GPATCH8: variants seen among roughly 807,000 people sequenced by gnomAD.
GPATCH8 encodes the protein G patch domain-containing protein 8.
GPATCH8 carries 18 observed loss-of-function variants against 118.3 expected under a neutral mutation model. That is an observed-to-expected ratio of 0.15 (90% CI 0.11 to 0.23). The LOEUF (loss-of-function observed/expected upper bound fraction) is 0.23. Among genes scored for constraint, GPATCH8 ranks in the 10% least tolerant of loss-of-function variants. The pLI is 1.00. For synonymous variants in GPATCH8, 659 were observed against 684.7 expected (o/e 0.96, Z 0.59); for missense variants, 1,631 against 1,873.8 (o/e 0.87, Z 2.39).
intron 2 of GPATCH8, among the ~76,000 whole-genome samples, chr17:44,471,301 G>A (rs1049649738): frequency 2.6e-5 from 4 of 152,054 alleles, no homozygotes; most frequent in Non-Finnish European, 4.4e-5. Flanking sequence ...TCTAAGCTTC[G>A]GAAGTTCACT....
intron 7 of GPATCH8, 149 bp from the exon 8 acceptor site, chr17:44,401,602 T>C: frequency 3.1e-6 from 2 of 649,564 alleles, no homozygotes; most frequent in Non-Finnish European, 5.5e-6. Flanking sequence ...CCTAGCCCTA[T>C]ACTAACAAAT....
chr17:44,410,148 A>G (rs1402285901), intron 6 of GPATCH8, among the ~76,000 whole-genome samples: 1 of 152,200 alleles, frequency 6.6e-6, no homozygotes, highest in Non-Finnish European at 1.5e-5. Context: ...CAAGGACCTA[A>G]TCAGAGTCAG....
intron 1 of GPATCH8, among the ~76,000 whole-genome samples, chr17:44,479,715 T>A (rs1203621275): frequency 6.6e-6 from 1 of 152,196 alleles, no homozygotes; most frequent in Admixed American, 6.5e-5. Context: ...ACGCCTGTAA[T>A]CCCAGCACTT....
chr17:44,500,942 G>A (rs1256417589), intron 1 of GPATCH8, among the ~76,000 whole-genome samples: 1 of 152,188 alleles, frequency 6.6e-6, no homozygotes, highest in Non-Finnish European at 1.5e-5. Flanking sequence ...ATCATTAAAT[G>A]AAAGTCAATC....
At chr17:44,494,859 A>G (rs1287598254) in intron 1 of GPATCH8, among the ~76,000 whole-genome samples, 3 of 152,230 alleles carry the variant, frequency 2.0e-5, no homozygotes, top group African/African-American at 7.2e-5. Flanking sequence ...TTATCTTTGC[A>G]GCCCTAGTCT....
chr17:44,442,060 T>C (rs1210790543), intron 3 of GPATCH8, among the ~76,000 whole-genome samples: 2 of 144,602 alleles, frequency 1.4e-5, no homozygotes, highest in Non-Finnish European at 3.0e-5. Flanking sequence ...AATAAAATAA[T>C]ATATATATAC....
intron 1 of GPATCH8, among the ~76,000 whole-genome samples, chr17:44,489,631 C>T (rs1358591279): frequency 6.6e-6 from 1 of 152,052 alleles, no homozygotes; most frequent in Non-Finnish European, 1.5e-5. Context: ...TGAGCCACCG[C>T]CCCCAGCTGC....
chr17:44,456,304 T>A (rs1369796811), intron 3 of GPATCH8, among the ~76,000 whole-genome samples: 1 of 152,052 alleles, frequency 6.6e-6, no homozygotes, highest in Non-Finnish European at 1.5e-5. Context: ...TCTGTTAAGA[T>A]GAGGTCTTGT....
intron 6 of GPATCH8, among the ~76,000 whole-genome samples, chr17:44,416,733 A>T (rs773549421): frequency 6.6e-6 from 1 of 152,238 alleles, no homozygotes; most frequent in Admixed American, 6.5e-5. Context: ...AAGCAGTTGC[A>T]AACAATTTAG....
chr17:44,460,589 A>G (rs2051507053), intron 3 of GPATCH8, among the ~76,000 whole-genome samples: 1 of 152,188 alleles, frequency 6.6e-6, no homozygotes. Flanking sequence ...GGTCAAAATA[A>G]TTTTTAAAGC....
chr17:44,445,709 T>C (rs1369416998), intron 3 of GPATCH8: 1 of 152,282 alleles, frequency 6.6e-6, no homozygotes, highest in South Asian at 2.1e-4. Context: ...TTTCACCATG[T>C]TGGCCAGGCT....
chr17:44,443,526 A>G (rs1056590489), intron 3 of GPATCH8, among the ~76,000 whole-genome samples: 2 of 152,118 alleles, frequency 1.3e-5, no homozygotes, highest in African/African-American at 2.4e-5. Flanking sequence ...CTTAATCCCT[A>G]GAGAGTTTTT....
chr17:44,493,354 C>G (rs72824762), intron 1 of GPATCH8, among the ~76,000 whole-genome samples: 4,859 of 152,160 alleles, frequency 0.032, 163 homozygotes, highest in East Asian at 0.16. Flanking sequence ...AGCCCCCACG[C>G]CTGACAACTA....
chr17:44,501,210 A>C (rs995110958), intron 1 of GPATCH8, among the ~76,000 whole-genome samples: 3 of 152,110 alleles, frequency 2.0e-5, no homozygotes, highest in Non-Finnish European at 2.9e-5. Context: ...ACGAGTCAGG[A>C]GTTCGAGACC....
chr17:44,424,556 A>G, intron 5 of GPATCH8, 64 bp from the exon 6 acceptor site: 1 of 1,214,568 alleles, frequency 8.2e-7, no homozygotes, highest in Non-Finnish European at 1.2e-6. Flanking sequence ...AGTGAATGTT[A>G]TAGAGAAAAC....
At chr17:44,408,238 C>T (rs1399668647) in intron 6 of GPATCH8, among the ~76,000 whole-genome samples, 1 of 94,454 alleles carries the variant, frequency 1.1e-5, no homozygotes, top group Non-Finnish European at 2.4e-5. Flanking sequence ...GGCTGGAGTG[C>T]AGTGGTGTGT....
intron 1 of GPATCH8, among the ~76,000 whole-genome samples, chr17:44,501,769 C>T (rs1970086905): frequency 6.6e-6 from 1 of 152,124 alleles, no homozygotes; most frequent in Non-Finnish European, 1.5e-5. Context: ...TCCATATTAT[C>T]TATTTTCGAT....
At chr17:44,427,178 T>G (rs1197721577) in intron 5 of GPATCH8, among the ~76,000 whole-genome samples, 1 of 151,940 alleles carries the variant, frequency 6.6e-6, no homozygotes, top group Non-Finnish European at 1.5e-5. Flanking sequence ...TGGGCTCAAT[T>G]AATCCTCCCA....
chr17:44,501,790 C>T (rs1269380933), intron 1 of GPATCH8, among the ~76,000 whole-genome samples: 1 of 152,140 alleles, frequency 6.6e-6, no homozygotes, highest in Non-Finnish European at 1.5e-5. Flanking sequence ...TTTATTAGGT[C>T]ACCTTGAGAT....
Sources: allele counts gnomAD v4.1 joint callset (sites outside exome capture counted in the v4.1 genomes callset), GRCh38; gene constraint gnomAD v4.1.1; transcripts MANE v1.5; gene names NCBI Gene and HGNC (gene_info 2026-07-23, HGNC 2026-07-21).